XIST: variants seen among roughly 807,000 people sequenced by gnomAD.
XIST encodes the protein X inactive specific transcript.
chrX:73,822,931 C>G, exon 6 of XIST: 1 of 558,822 alleles, frequency 1.8e-6, no homozygotes, highest in Admixed American at 2.2e-5. Context: ...GAATTTGTTC[C>G]TGTGTTTCCA....
chrX:73,843,600 T>A, exon 1 of XIST: 1 of 558,573 alleles, frequency 1.8e-6, no homozygotes, highest in Non-Finnish European at 3.2e-6. Context: ...GACAATTGCA[T>A]TAATGCATAT....
chrX:73,821,427 T>G lies in XIST; in HGVS notation n.18474A>C, dbSNP rs146527891. ...CTTATGACAAGAAGGGTCACACTGA[T>G]TCACTTAATAAATTCCATTCTTACC... is the stretch of plus-strand genomic sequence containing the variant. On this transcript the variant is annotated non_coding_transcript_exon_variant, in exon 6 of 6. Transcript: ENST00000429829. 5.4e-4 allele frequency: 303 copies of G among 556,257 alleles called. 1 individual carries two copies. The highest frequency in any genetic ancestry group is 5.6e-4 in the Non-Finnish European group (172 of 308,269). The allele number at this position is 556,257 out of a possible 1,213,427, so 45.8% of individuals were successfully genotyped here. A position where few individuals can be genotyped will look rare whatever the true frequency, so the allele number is the denominator to read the frequency against.
chrX:73,836,457 G>A (rs1569512000), intron 2 of XIST, among the ~76,000 whole-genome samples: 1 of 111,528 alleles, frequency 9.0e-6, no homozygotes, highest in Non-Finnish European at 1.9e-5. Flanking sequence ...TCTCACTGTA[G>A]AAATGGGAGG....
exon 6 of XIST, chrX:73,826,707 C>A (rs767602778): frequency 1.1e-5 from 6 of 558,882 alleles, no homozygotes; most frequent in Non-Finnish European, 9.7e-6. Context: ...GGTCATGGGC[C>A]TCCAGATTCC....
chrX:73,822,686 G>C (rs1922151510), exon 6 of XIST: 1 of 534,506 alleles, frequency 1.9e-6, no homozygotes, highest in African/African-American at 2.3e-5. Flanking sequence ...TTCCATTTTT[G>C]TGTTTTTGTT....
exon 1 of XIST, chrX:73,850,339 C>A: frequency 1.8e-6 from 1 of 541,498 alleles, no homozygotes. Context: ...TTAAGGAACT[C>A]AAAACAAAAA....
chrX:73,848,163 T>C, exon 1 of XIST: 2 of 558,328 alleles, frequency 3.6e-6, no homozygotes, highest in Non-Finnish European at 6.5e-6. Flanking sequence ...GGGATCTTAA[T>C]TTAATGGAAA....
exon 1 of XIST, chrX:73,846,044 T>C (rs768821206): frequency 3.6e-6 from 2 of 555,241 alleles, no homozygotes; most frequent in South Asian, 2.2e-5. Context: ...GCACCTTGAT[T>C]GTCCAAACGT....
exon 1 of XIST, chrX:73,844,329 A>C (rs769814046): frequency 1.8e-6 from 1 of 558,907 alleles, no homozygotes; most frequent in Non-Finnish European, 3.2e-6. Flanking sequence ...TTGGACAAAT[A>C]TAAGAATCTT....
intron 2 of XIST, among the ~76,000 whole-genome samples, chrX:73,836,248 AT>A (rs765392081): frequency 2.4e-3 from 265 of 112,354 alleles, no homozygotes; most frequent in African/African-American, 8.3e-3. Flanking sequence ...ATTGAAGTAA[AT>A]TCTGGTTCTT....
intron 1 of XIST, chrX:73,841,262 G>T: frequency 2.5e-6 from 1 of 405,386 alleles, no homozygotes; most frequent in South Asian, 5.2e-5. Context: ...ATATATTGCA[G>T]ATGAGGTGGG....
In XIST at chrX:73,822,106, G is replaced by A. The variant is rs770009233; in HGVS notation, n.17795C>T. The A allele has an allele frequency of 7.2e-6, 4 of 559,059 alleles. No individual in the cohort carries two copies. The Admixed American group carries it at 8.8e-5, about 12-fold the overall frequency. The allele number at this position is 559,059 out of a possible 1,213,427, so 46.1% of individuals were successfully genotyped here. On this transcript the variant is annotated non_coding_transcript_exon_variant, in exon 6 of 6. Transcript: ENST00000429829. ...CACTTCAAAACCAATTGTGGCTCAA[G>A]TGTAGGTGGTTCCCCAAGGCTGGTA...
At chrX:73,850,907 A>T (rs770923484) in exon 1 of XIST, 2 of 554,937 alleles carry the variant, frequency 3.6e-6, no homozygotes, top group Admixed American at 4.5e-5. Flanking sequence ...AGAGGTGGAA[A>T]GGCTAAATGT....
At chrX:73,822,783 G>A in exon 6 of XIST, 4 of 552,948 alleles carry the variant, frequency 7.2e-6, no homozygotes, top group South Asian at 2.3e-5. Flanking sequence ...TCGTATGAAC[G>A]AAAAAATAAA....
chrX:73,842,979 A>C, exon 1 of XIST: 2 of 559,032 alleles, frequency 3.6e-6, no homozygotes, highest in Non-Finnish European at 6.5e-6. Flanking sequence ...GTGATTTTAC[A>C]CACTGGCGCA....
exon 6 of XIST, chrX:73,826,990 G>C: frequency 5.4e-6 from 3 of 558,744 alleles, no homozygotes; most frequent in Non-Finnish European, 9.7e-6. Context: ...GGCTCTTGAG[G>C]CTTTTGTTGG....
chrX:73,848,894 T>C (rs759843466), exon 1 of XIST: 2 of 555,242 alleles, frequency 3.6e-6, no homozygotes, highest in African/African-American at 2.2e-5. Flanking sequence ...CTAGGAGCAA[T>C]GATAAAGGCA....
chrX:73,851,265 T>C (rs1922933040), exon 1 of XIST: 1 of 557,640 alleles, frequency 1.8e-6, no homozygotes, highest in South Asian at 2.2e-5. Flanking sequence ...AGCCATGATA[T>C]ACATATGACA....
rs201836793 is a variant in XIST at position 73,823,824 on chromosome X, TG to T, written n.16076del. On this transcript the variant is annotated non_coding_transcript_exon_variant, in exon 6 of 6. Coordinates refer to ENST00000429829, the Ensembl canonical transcript of XIST. ...TAAACTTGTTAAATGACTTTTGGTC[TG>T]GATCTCACACCTATATTACTTCATT... The T allele has an allele frequency of 0.015, 8,579 of 556,789 alleles. 388 individuals are homozygous for T. The highest frequency in any genetic ancestry group is 0.15 in the African/African-American group (6,628 of 44,598). 45.9% of individuals were successfully genotyped at this position (556,789 alleles called of 1,213,427 possible).
Sources: gnomAD v4.1 joint callset for allele counts (sites outside exome capture counted in the v4.1 genomes callset) on GRCh38, gnomAD v4.1.1 for gene constraint, MANE v1.5 for transcripts, NCBI Gene and HGNC (gene_info 2026-07-23, HGNC 2026-07-21) for gene names.